Variants in TENM1 observed in about 807,000 individuals in gnomAD.
TENM1 encodes teneurin transmembrane protein 1.
In TENM1, 35 loss-of-function variants were observed where a neutral mutation model predicts 174.8. The ratio of observed to expected loss-of-function variants is 0.20; its 90% CI spans 0.15 to 0.27. TENM1 has a LOEUF of 0.27. Ranked by LOEUF, TENM1 falls within the 10% of genes least tolerant of loss-of-function variation. The pLI is 1.00. For missense variants in TENM1, 1,633 were observed against 2,130.1 expected (o/e 0.77, Z 4.59); for synonymous variants, 781 against 798.7 (o/e 0.98, Z 0.37).
the TENM1 span, among the ~76,000 whole-genome samples, chrX:125,007,023 T>C: frequency 9.0e-6 from 1 of 110,959 alleles, no homozygotes; most frequent in African/African-American, 3.3e-5. Context: ...GGACAGAGAA[T>C]GAGATGGATA....
At chrX:124,757,978 T>G (rs1257605239) in intron 3 of TENM1, among the ~76,000 whole-genome samples, 1 of 112,030 alleles carries the variant, frequency 8.9e-6, no homozygotes, top group Non-Finnish European at 1.9e-5. Context: ...TAGAAGTATC[T>G]GAACAACAGA....
At chrX:125,042,592 G>T in the TENM1 span, among the ~76,000 whole-genome samples, 1 of 111,317 alleles carries the variant, frequency 9.0e-6, no homozygotes, top group African/African-American at 3.3e-5. Flanking sequence ...TTTTATTTTA[G>T]CATGGACCTC....
chrX:124,711,311 C>G (rs2053044642), intron 4 of TENM1, among the ~76,000 whole-genome samples: 1 of 111,762 alleles, frequency 8.9e-6, no homozygotes, highest in Non-Finnish European at 1.9e-5. Context: ...AAAATGTGCT[C>G]TCTATTTTTA....
intron 5 of TENM1, among the ~76,000 whole-genome samples, chrX:124,701,267 C>T (rs1447969113): frequency 9.0e-6 from 1 of 111,480 alleles, no homozygotes; most frequent in Non-Finnish European, 1.9e-5. Context: ...GAAACCCCTA[C>T]TCTTCAGCTC....
intron 3 of TENM1, among the ~76,000 whole-genome samples, chrX:124,753,008 T>C (rs1185998678): frequency 1.8e-5 from 2 of 111,137 alleles, no homozygotes; most frequent in Non-Finnish European, 3.8e-5. Context: ...ACGTTAGTTT[T>C]TTCCAATTGT....
intron 11 of TENM1, among the ~76,000 whole-genome samples, chrX:124,592,568 T>C (rs1213956144): frequency 9.2e-6 from 1 of 108,940 alleles, no homozygotes; most frequent in Non-Finnish European, 1.9e-5. Context: ...CCTGAATAGC[T>C]GAGACTACAG....
the TENM1 span, among the ~76,000 whole-genome samples, chrX:125,095,447 A>G: frequency 8.9e-6 from 1 of 111,977 alleles, no homozygotes; most frequent in Non-Finnish European, 1.9e-5. Context: ...GCAGAGATTA[A>G]TTAACAATAA....
At chrX:124,647,752 TG>T (rs1318836574) in intron 8 of TENM1, among the ~76,000 whole-genome samples, 4 of 109,675 alleles carry the variant, frequency 3.6e-5, no homozygotes, top group African/African-American at 1.3e-4. Flanking sequence ...TGTGTGTGTG[TG>T]TTTGTGTGTG....
chrX:124,412,449 A>C (rs943376250), intron 25 of TENM1, among the ~76,000 whole-genome samples: 3 of 112,582 alleles, frequency 2.7e-5, no homozygotes, highest in Non-Finnish European at 5.6e-5. Context: ...TTTAAGCCAG[A>C]GTTAAACTGT....
At chrX:124,921,919 G>A (rs1158879456) in intron 1 of TENM1, among the ~76,000 whole-genome samples, 5 of 111,554 alleles carry the variant, frequency 4.5e-5, no homozygotes, top group South Asian at 3.7e-4. Context: ...TTGATTACAC[G>A]TTGAAATGAT....
chrX:124,382,468 C>CT (rs372777235), intron 31 of TENM1, among the ~76,000 whole-genome samples: 2 of 110,927 alleles, frequency 1.8e-5, no homozygotes, highest in Non-Finnish European at 3.8e-5. Flanking sequence ...ACCTGTTAAT[C>CT]TTTTTTTTCC....
At chrX:125,027,072 A>T in the TENM1 span, among the ~76,000 whole-genome samples, 261 of 112,200 alleles carry the variant, frequency 2.3e-3, 2 homozygotes, top group African/African-American at 8.1e-3. Context: ...AAGACAATGC[A>T]ATAAAACAAG....
chrX:125,020,663 GCATT>G, the TENM1 span, among the ~76,000 whole-genome samples: 1 of 110,481 alleles, frequency 9.1e-6, no homozygotes, highest in Non-Finnish European at 1.9e-5. Context: ...CCATTGGGCT[GCATT>G]TAAATCACCA....
At chrX:124,465,146 T>C (rs745485661) in intron 22 of TENM1, among the ~76,000 whole-genome samples, 8 of 112,609 alleles carry the variant, frequency 7.1e-5, no homozygotes, top group African/African-American at 9.7e-5. Context: ...GCTGAGCTGC[T>C]CATGTCAGTG....
exon 30 of TENM1, chrX:124,384,655 G>A (rs145948225): frequency 1.7e-5 from 20 of 1,207,900 alleles, no homozygotes; most frequent in East Asian, 5.9e-5. Flanking sequence ...GATTTAAATC[G>A]TAATTAATTA....
At chrX:124,648,637 A>G (rs1260512446) in intron 8 of TENM1, among the ~76,000 whole-genome samples, 1 of 112,310 alleles carries the variant, frequency 8.9e-6, no homozygotes, top group Non-Finnish European at 1.9e-5. Context: ...AGATGGAACA[A>G]TTATTTATCT....
intron 3 of TENM1, among the ~76,000 whole-genome samples, chrX:124,755,052 T>C (rs749050879): frequency 1.9e-3 from 195 of 101,178 alleles, no homozygotes; most frequent in Non-Finnish European, 3.2e-3. Context: ...TTGTTAACTT[T>C]CTGTCTCGTT....
the TENM1 span, among the ~76,000 whole-genome samples, chrX:125,147,450 T>A: frequency 4.5e-5 from 5 of 111,563 alleles, no homozygotes; most frequent in East Asian, 1.4e-3. Context: ...TTTCATGTTT[T>A]ACTCAACATT....
In TENM1 at chrX:124,583,936, T is replaced by C. The variant is rs866819234; in HGVS notation, c.2078-18376A>G. On this transcript the variant is annotated intron_variant, in intron 11 of 31. Coordinates refer to ENST00000422452, the Ensembl canonical transcript of TENM1. ...GATCAACTGGAAGAAAGGGTATCAG[T>C]GATGGAAGATGAAATGAATGAAATG... Among the ~76,000 whole-genome samples, 692 of 105,813 alleles carry C rather than the reference T, an allele frequency of 6.5e-3. 7 individuals carry two copies. The highest frequency in any genetic ancestry group is 0.023 in the African/African-American group (649 of 28,663). The allele number at this position is 105,813 out of a possible 115,157, so 91.9% of individuals were successfully genotyped here. A position where few individuals can be genotyped will look rare whatever the true frequency, so the allele number is the denominator to read the frequency against.
Sources: allele counts gnomAD v4.1 joint callset (sites outside exome capture counted in the v4.1 genomes callset), GRCh38; gene constraint gnomAD v4.1.1; transcripts MANE v1.5; gene names NCBI Gene and HGNC (gene_info 2026-07-23, HGNC 2026-07-21).